The following MEAK7 variants were observed in gnomAD, a reference collection of about 807,000 sequenced individuals.
MEAK7 encodes the protein MTOR-associated protein MEAK7.
A neutral mutation model predicts 40.5 loss-of-function variants in MEAK7; 68 were observed. That is an observed-to-expected ratio of 1.68 (90% CI 1.38 to 2.06). MEAK7 has a LOEUF of 2.06. MEAK7 is among the 30% of genes most tolerant of loss of function. The probability of loss-of-function intolerance (pLI) is 0.00; values close to 1 mark genes in which losing one functional copy is unlikely to be tolerated. For missense variants in MEAK7, 918 were observed against 580.5 expected (o/e 1.58, Z -5.98); for synonymous variants, 338 against 231.9 (o/e 1.46, Z -4.16).
At chr16:84,501,505 G>A (rs1050832224) in intron 1 of MEAK7, among the ~76,000 whole-genome samples, 3 of 152,168 alleles carry the variant, frequency 2.0e-5, no homozygotes, top group East Asian at 1.9e-4. Context: ...CCAGACAGCC[G>A]GGAGAAAGGT....
rs779405270 is a variant in MEAK7 at position 84,479,873 on chromosome 16, G to A, written c.*40C>T. 3.3e-6 allele frequency: 5 copies of A among 1,526,574 alleles called. No homozygotes were observed. Among genetic ancestry groups the A allele is most frequent in the South Asian group, 1.2e-5 (1 of 84,518 alleles). The allele number at this position is 1,526,574 out of a possible 1,614,324, so 94.6% of individuals were successfully genotyped here. The stretch of plus-strand genomic sequence containing the variant: ...CTGCAGGCGTTGCCCTCTACCCAGA[G>A]GAATCCAGGTCCTGGCTCCAGGAAG... On this transcript the variant is annotated 3_prime_UTR_variant, in exon 8 of 8. Coordinates refer to ENST00000343629, the MANE Select transcript of MEAK7 (RefSeq NM_020947.4).
chr16:84,488,900 T>A (rs942477301), intron 4 of MEAK7, among the ~76,000 whole-genome samples: 14 of 151,802 alleles, frequency 9.2e-5, no homozygotes, highest in Non-Finnish European at 2.9e-5. Context: ...ACCAAACAAA[T>A]TTAAAGCAAA....
In MEAK7 at chr16:84,486,900, A is replaced by C; in HGVS notation, c.689T>G (p.Leu230Arg). ...CTGGTCCACTTGACGCTCAGGGACC[A>C]GGGTAGTCAGATCAAGAGACGAGCA... ...ILCSSLDLTT[L>R]VPERQVDQGR... Residue 230 changes from leucine to arginine, a missense_variant, in exon 5 of 8, where the codon CTG (leucine) becomes CGG (arginine). Leu to Arg is a moderately radical substitution (Grantham distance 102, BLOSUM62 -2). Coordinates refer to ENST00000343629, the MANE Select transcript of MEAK7 (RefSeq NM_020947.4). The C allele has an allele frequency of 6.2e-7, 1 of 1,614,230 alleles. No homozygotes were observed. Among genetic ancestry groups the C allele is most frequent in the Non-Finnish European group, 8.5e-7 (1 of 1,180,038 alleles).
intron 5 of MEAK7, among the ~76,000 whole-genome samples, 163 bp from the exon 6 acceptor site, chr16:84,482,873 C>T (rs570625372): frequency 7.9e-5 from 12 of 152,274 alleles, no homozygotes; most frequent in Admixed American, 3.9e-4. Context: ...CTGCTAGGGA[C>T]CCAGGTGGAT....
intron 6 of MEAK7, among the ~76,000 whole-genome samples, chr16:84,482,125 G>A (rs1290974707): frequency 6.6e-6 from 1 of 152,022 alleles, no homozygotes; most frequent in Non-Finnish European, 1.5e-5. Flanking sequence ...TGCTTCCTGT[G>A]CCATGTCACC....
At chr16:84,495,940 G>C (rs747940754) in intron 2 of MEAK7, 27 bp from the exon 3 acceptor site, 2 of 1,610,142 alleles carry the variant, frequency 1.2e-6, no homozygotes, top group Admixed American at 1.7e-5. Flanking sequence ...GAAAAATATG[G>C]TTAGACAGTG....
rs1337736955 is a variant in MEAK7 at position 84,480,661 on chromosome 16, A to C, written c.1125T>G (p.Asp375Glu). The C allele has an allele frequency of 1.1e-5, 17 of 1,613,832 alleles. No individual in the cohort carries two copies. Among genetic ancestry groups the C allele is most frequent in the Non-Finnish European group, 1.4e-5 (17 of 1,179,890 alleles). The change falls in exon 7 of 8, where the codon GAT becomes GAG. Residue 375 changes from aspartate to glutamate, a missense_variant. Coordinates refer to ENST00000343629, the MANE Select transcript of MEAK7 (RefSeq NM_020947.4). Reference sequence around the variant, plus strand: ...TGGCTCTGCTGTGTCCTTTCCCAAAATCAACATCCACCCAAAGCCCAAAGT... The same window carrying C: ...TGGCTCTGCTGTGTCCTTTCCCAAACTCAACATCCACCCAAAGCCCAAAGT... ...HNYFGLWVDV[D>E]FGKGHSRAKP...
At chr16:84,480,352 C>T (rs1273546769) in intron 7 of MEAK7, among the ~76,000 whole-genome samples, 177 bp downstream of exon 7, 1 of 152,172 alleles carries the variant, frequency 6.6e-6, no homozygotes, top group African/African-American at 2.4e-5. Context: ...ACCCACAAAT[C>T]CCAGACAAGA....
In MEAK7 at chr16:84,498,051, A is replaced by G. The variant is rs780119122; in HGVS notation, c.36T>C (p.Phe12=). Residue 12 remains phenylalanine (F), a synonymous_variant, in exon 2 of 8, where the codon TTT becomes TTC. Coordinates refer to ENST00000343629, the MANE Select transcript of MEAK7 (RefSeq NM_020947.4). ...GTTCCTCAGGAAGAAACTGTGAACA[A>G]AAGCTCCGCCCCACACGGCTTCTGC... ...GNSRSRVGRS[F]CSQFLPEEQA... 1 of 1,614,080 alleles carries G rather than the reference A, an allele frequency of 6.2e-7. No homozygotes were observed. Among genetic ancestry groups the G allele is most frequent in the Non-Finnish European group, 8.5e-7 (1 of 1,179,974 alleles).
At position 84,480,046 on chromosome 16, in the gene MEAK7, G is replaced by A. The variant is rs776207065; in HGVS notation, c.1258-20C>T. 17 of 1,569,482 alleles carry A rather than the reference G, an allele frequency of 1.1e-5. No individual in the cohort carries two copies. Among genetic ancestry groups the A allele is most frequent in the Non-Finnish European group, 1.5e-5 (17 of 1,149,202 alleles). The stretch of plus-strand genomic sequence containing the variant: ...CTTGGCCTTGAGAAGAGAAGAAAGG[G>A]TGGGTGTGTTCCATGATGGCCCAAC... On this transcript the variant is annotated intron_variant, in intron 7 of 7. Coordinates refer to ENST00000343629, the MANE Select transcript of MEAK7 (RefSeq NM_020947.4).
In MEAK7 at chr16:84,495,671, C is replaced by T. The variant is rs374336656; in HGVS notation, c.384+12G>A. The T allele has an allele frequency of 1.5e-4, 248 of 1,613,552 alleles. No individual in the cohort carries two copies. Among genetic ancestry groups the T allele is most frequent in the Non-Finnish European group, 1.9e-4 (227 of 1,179,632 alleles). Reference sequence around the variant, plus strand: ...GCTGAGGAGGCTGCAAAGGACCTCGCGGCCTCACTACCTTTTGGACTTCTC... The same window carrying T: ...GCTGAGGAGGCTGCAAAGGACCTCGTGGCCTCACTACCTTTTGGACTTCTC... On this transcript the variant is annotated intron_variant, in intron 3 of 7. Transcript: ENST00000343629.
At chr16:84,486,526 G>T (rs941306998) in intron 5 of MEAK7, 105 bp downstream of exon 5, 2 of 1,477,908 alleles carry the variant, frequency 1.4e-6, no homozygotes, top group Non-Finnish European at 1.8e-6. Flanking sequence ...AGAAACACTT[G>T]GAGAAGATGG....
At chr16:84,482,565 A>G (rs1912659487) in intron 6 of MEAK7, 27 bp downstream of exon 6, 1 of 1,613,922 alleles carries the variant, frequency 6.2e-7, no homozygotes, top group Non-Finnish European at 8.5e-7. Flanking sequence ...CACCAAGGCA[A>G]GACCACCACG....
intron 6 of MEAK7, among the ~76,000 whole-genome samples, chr16:84,481,889 G>C (rs139938582): frequency 1.3e-5 from 2 of 152,064 alleles, no homozygotes; most frequent in Non-Finnish European, 2.9e-5. Flanking sequence ...AGCCGAGATC[G>C]CGCCACTGCA....
At chr16:84,501,910 C>T (rs1434064545) in intron 1 of MEAK7, among the ~76,000 whole-genome samples, 3 of 152,024 alleles carry the variant, frequency 2.0e-5, no homozygotes, top group Non-Finnish European at 4.4e-5. Flanking sequence ...TTTGGGAGGC[C>T]GAGGCGGGTG....
chr16:84,491,538 T>TAAAAAAAA (rs57708607), intron 3 of MEAK7, among the ~76,000 whole-genome samples: 72 of 122,906 alleles, frequency 5.9e-4, no homozygotes, highest in Admixed American at 8.8e-4. Flanking sequence ...GACCCTGTCT[T>TAAAAAAAA]AAAAAAAAAA....
At chr16:84,485,700 A>G (rs1489564221) in intron 5 of MEAK7, among the ~76,000 whole-genome samples, 1 of 152,156 alleles carries the variant, frequency 6.6e-6, no homozygotes, top group Non-Finnish European at 1.5e-5. Context: ...CTATCTATCT[A>G]GAGATGGAGT....
intron 1 of MEAK7, 145 bp from the exon 2 acceptor site, chr16:84,498,256 G>A (rs1440969820): frequency 2.9e-6 from 3 of 1,024,768 alleles, no homozygotes; most frequent in Non-Finnish European, 4.1e-6. Flanking sequence ...ATAATACTGG[G>A]TTTTGGGTTT....
intron 7 of MEAK7, 98 bp from the exon 8 acceptor site, chr16:84,480,124 T>C: frequency 1.0e-6 from 1 of 995,160 alleles, no homozygotes; most frequent in Non-Finnish European, 1.5e-6. Flanking sequence ...GGAATCAGGC[T>C]CCGGTTCCCC....
Sources: gnomAD v4.1 joint callset for allele counts (sites outside exome capture counted in the v4.1 genomes callset) on GRCh38, gnomAD v4.1.1 for gene constraint, MANE v1.5 for transcripts, NCBI Gene and HGNC (gene_info 2026-07-23, HGNC 2026-07-21) for gene names.